SNX29: variants seen among roughly 807,000 people sequenced by gnomAD.
The protein encoded by SNX29 is sorting nexin-29.
A neutral mutation model predicts 102.1 loss-of-function variants in SNX29; 78 were observed. The observed-to-expected ratio is 0.76, with a 90% CI of 0.64 to 0.92. The LOEUF (loss-of-function observed/expected upper bound fraction) is 0.92, where lower values mean the gene tolerates loss of function less well. Ranked by LOEUF, SNX29 falls within the 40% of genes least tolerant of loss-of-function variation. SNX29 has a pLI of 0.00. For missense variants in SNX29, 1,280 were observed against 1,061.7 expected (o/e 1.21, Z -2.86); for synonymous variants, 580 against 414.5 (o/e 1.40, Z -4.85).
At chr16:12,035,527 C>G (rs1567549555) in intron 4 of SNX29, among the ~76,000 whole-genome samples, 1 of 152,218 alleles carries the variant, frequency 6.6e-6, no homozygotes, top group South Asian at 2.1e-4. Context: ...TGTTGGCACT[C>G]TGCTCTGCCA....
At chr16:12,314,100 C>G (rs1355495577) in intron 15 of SNX29, among the ~76,000 whole-genome samples, 1 of 152,252 alleles carries the variant, frequency 6.6e-6, no homozygotes, top group Non-Finnish European at 1.5e-5. Flanking sequence ...ATCCTCCCAC[C>G]TCAGCCTCCT....
At chr16:12,113,981 G>C (rs1393798195) in intron 11 of SNX29, among the ~76,000 whole-genome samples, 3 of 152,202 alleles carry the variant, frequency 2.0e-5, no homozygotes, top group Non-Finnish European at 2.9e-5. Context: ...ACCCAAAGTG[G>C]GTTTGAAATG....
intron 8 of SNX29, 135 bp from the exon 9 acceptor site, chr16:12,061,393 A>G (rs1389390090): frequency 1.5e-6 from 1 of 674,700 alleles, no homozygotes; most frequent in African/African-American, 1.8e-5. Flanking sequence ...TCTACCTCCC[A>G]GCCCACACCT....
intron 18 of SNX29, among the ~76,000 whole-genome samples, chr16:12,408,580 G>T (rs1181770599): frequency 5.3e-5 from 8 of 152,220 alleles, no homozygotes; most frequent in Non-Finnish European, 1.2e-4. Flanking sequence ...CAGCACTTTG[G>T]GAAGCCAAGG....
intron 10 of SNX29, 56 bp downstream of exon 10, chr16:12,069,188 T>G: frequency 4.3e-6 from 6 of 1,403,198 alleles, no homozygotes; most frequent in Non-Finnish European, 6.0e-6. Context: ...TTCACAGCTG[T>G]GCATTTTATT....
chr16:12,395,595 G>A (rs1481776567), intron 16 of SNX29, among the ~76,000 whole-genome samples: 1 of 152,172 alleles, frequency 6.6e-6, no homozygotes, highest in Non-Finnish European at 1.5e-5. Context: ...GCAGGGTCAG[G>A]GAGAGGTGAA....
In SNX29 at chr16:12,324,911, A is replaced by G. The variant is rs78799147; in HGVS notation, c.1783-31252A>G. Among the ~76,000 whole-genome samples the G allele has an allele frequency of 6.8e-3, 1,033 of 152,262 alleles. 15 individuals carry two copies. Among genetic ancestry groups the G allele is most frequent in the African/African-American group, 0.024 (999 of 41,568 alleles). ...ACCCAGGGAAATTAGAACAATGACAATAAAAACAGCGTTTCAACCGGGACG... is the reference window on the plus strand; with the variant it reads ...ACCCAGGGAAATTAGAACAATGACAGTAAAAACAGCGTTTCAACCGGGACG... On this transcript the variant is annotated intron_variant, in intron 15 of 20. Transcript: ENST00000566228.
At chr16:12,557,725 G>C (rs192745716) in intron 20 of SNX29, 2 of 152,332 alleles carry the variant, frequency 1.3e-5, no homozygotes, top group Non-Finnish European at 2.9e-5. Context: ...CACCTCAGAT[G>C]CAGGAGTAGT....
intron 18 of SNX29, among the ~76,000 whole-genome samples, chr16:12,421,663 C>G (rs2084875778): frequency 6.6e-6 from 1 of 152,198 alleles, no homozygotes; most frequent in Non-Finnish European, 1.5e-5. Flanking sequence ...AACATTATAG[C>G]TGCTGCCACT....
At chr16:12,369,365 GCC>G (rs778020656) in intron 16 of SNX29, among the ~76,000 whole-genome samples, 69 of 152,026 alleles carry the variant, frequency 4.5e-4, no homozygotes, top group Non-Finnish European at 9.0e-4. Flanking sequence ...TGAACTCCTG[GCC>G]TCAAGTGATC....
At chr16:12,530,517 T>C (rs2076902579) in intron 20 of SNX29, among the ~76,000 whole-genome samples, 1 of 151,652 alleles carries the variant, frequency 6.6e-6, no homozygotes, top group Non-Finnish European at 1.5e-5. Flanking sequence ...AAATAGAAAC[T>C]CCACTGTTCT....
At chr16:12,386,000 A>C (rs1043231786) in intron 16 of SNX29, among the ~76,000 whole-genome samples, 1 of 152,216 alleles carries the variant, frequency 6.6e-6, no homozygotes, top group Non-Finnish European at 1.5e-5. Context: ...CTCAATATGC[A>C]TGGCCTTGTC....
chr16:12,204,906 C>A (rs2077007120), intron 14 of SNX29, among the ~76,000 whole-genome samples: 1 of 150,238 alleles, frequency 6.7e-6, no homozygotes, highest in South Asian at 2.1e-4. Context: ...GTTAGTTGCC[C>A]TGGGGTGAGC....
At chr16:12,353,602 G>A (rs995552572) in intron 15 of SNX29, among the ~76,000 whole-genome samples, 6 of 152,176 alleles carry the variant, frequency 3.9e-5, no homozygotes, top group Non-Finnish European at 7.4e-5. Flanking sequence ...CCTCCTCCCT[G>A]CCAGCCTCTG....
intron 11 of SNX29, among the ~76,000 whole-genome samples, chr16:12,080,694 T>A (rs12708745): frequency 0.31 from 30,477 of 99,586 alleles, 3,173 homozygotes; most frequent in South Asian, 0.44. Flanking sequence ...ACAGTTTACT[T>A]TTTTTTTTTT....
intron 16 of SNX29, among the ~76,000 whole-genome samples, chr16:12,388,041 A>G (rs1428677586): frequency 6.6e-6 from 1 of 152,236 alleles, no homozygotes; most frequent in African/African-American, 2.4e-5. Flanking sequence ...TTAACAGCAA[A>G]TGGCCCAGTC....
intron 3 of SNX29, among the ~76,000 whole-genome samples, chr16:12,019,593 TAG>T (rs869227858): frequency 4.8e-4 from 65 of 135,240 alleles, no homozygotes; most frequent in South Asian, 9.2e-4. Flanking sequence ...TATATATATA[TAG>T]ATAGATAGAT....
intron 14 of SNX29, among the ~76,000 whole-genome samples, chr16:12,233,705 A>G (rs2077838803): frequency 6.6e-6 from 1 of 152,084 alleles, no homozygotes; most frequent in African/African-American, 2.4e-5. Flanking sequence ...TTGTGCATTC[A>G]CAACATTTTA....
At position 12,512,369 on chromosome 16, in the gene SNX29, A is replaced by ATATATATATAT. The variant is rs2089660367; in HGVS notation, c.2179-12333_2179-12332insTATATATATAT. The stretch of plus-strand genomic sequence containing the variant: ...CGTCCATCATGGAAGGCCCAGGGAA[A>ATATATATATAT]ATATATATATATATATATATATATA... On this transcript the variant is annotated intron_variant, in intron 19 of 20. Coordinates refer to ENST00000566228, the MANE Select transcript of SNX29 (RefSeq NM_032167.5). 2.8e-3 allele frequency among the ~76,000 whole-genome samples: 121 copies of ATATATATATAT among 43,922 alleles called. 14 individuals carry two copies. The highest frequency in any genetic ancestry group is 3.4e-3 in the Non-Finnish European group (80 of 23,752). 28.8% of individuals were successfully genotyped at this position (43,922 alleles called of 152,430 possible).
Sources: gnomAD v4.1 joint callset for allele counts (sites outside exome capture counted in the v4.1 genomes callset) on GRCh38, gnomAD v4.1.1 for gene constraint, MANE v1.5 for transcripts, NCBI Gene and HGNC (gene_info 2026-07-23, HGNC 2026-07-21) for gene names.